The following COMMD1 variants were observed in gnomAD, a reference collection of about 807,000 sequenced individuals.
COMMD1 encodes copper metabolism domain containing 1.
COMMD1 carries 10 observed loss-of-function variants against 17.2 expected under a neutral mutation model. That is an observed-to-expected ratio of 0.58 (90% CI 0.36 to 0.99). The LOEUF (loss-of-function observed/expected upper bound fraction) is 0.99, where lower values mean the gene tolerates loss of function less well. Among genes scored for constraint, COMMD1 ranks in the 50% least tolerant of loss-of-function variants. The pLI, the probability that COMMD1 is intolerant of heterozygous loss-of-function variation, is 0.01. For synonymous variants in COMMD1, 97 were observed against 91.6 expected (o/e 1.06, Z -0.34); for missense variants, 270 against 231.8 (o/e 1.17, Z -1.07).
At chr2:62,052,205 C>G (rs528233055) in intron 2 of COMMD1, among the ~76,000 whole-genome samples, 1 of 152,254 alleles carries the variant, frequency 6.6e-6, no homozygotes, top group East Asian at 1.9e-4. Flanking sequence ...AATCCCAGCA[C>G]TTTGGGAAGC....
At chr2:61,912,695 A>G (rs1295059640) in intron 1 of COMMD1, among the ~76,000 whole-genome samples, 3 of 151,212 alleles carry the variant, frequency 2.0e-5, no homozygotes, top group Non-Finnish European at 4.4e-5. Flanking sequence ...AGATCGTGCC[A>G]CTGCACTCCA....
chr2:62,040,510 A>G (rs1377905742), intron 2 of COMMD1, among the ~76,000 whole-genome samples: 1 of 152,142 alleles, frequency 6.6e-6, no homozygotes, highest in Non-Finnish European at 1.5e-5. Context: ...TGTATTTTTC[A>G]TGGTGAAATT....
intron 2 of COMMD1, among the ~76,000 whole-genome samples, chr2:62,093,397 A>G (rs1370713102): frequency 6.6e-6 from 1 of 152,038 alleles, no homozygotes; most frequent in Admixed American, 6.6e-5. Flanking sequence ...CCATGATACT[A>G]TTTTTTCAGG....
intron 1 of COMMD1, among the ~76,000 whole-genome samples, chr2:61,893,393 G>C (rs1172855866): frequency 6.6e-6 from 1 of 151,968 alleles, no homozygotes; most frequent in African/African-American, 2.4e-5. Context: ...AAATAAAAAT[G>C]AAAATGGGAA....
chr2:61,919,652 T>C (rs1670137897), intron 1 of COMMD1, among the ~76,000 whole-genome samples: 1 of 151,692 alleles, frequency 6.6e-6, no homozygotes, highest in Non-Finnish European at 1.5e-5. Context: ...TCTTTACAAA[T>C]AGATTGTGAG....
At chr2:61,983,189 A>ATTT (rs1295410552) in intron 1 of COMMD1, among the ~76,000 whole-genome samples, 3 of 132,818 alleles carry the variant, frequency 2.3e-5, no homozygotes, top group Non-Finnish European at 3.3e-5. Flanking sequence ...TTATCATGGC[A>ATTT]TTTTTTTTTT....
At chr2:62,038,228 C>T (rs1670091076) in intron 2 of COMMD1, among the ~76,000 whole-genome samples, 1 of 152,164 alleles carries the variant, frequency 6.6e-6, no homozygotes, top group African/African-American at 2.4e-5. Context: ...GCGGAGGTTG[C>T]AGTCAGCCGA....
chr2:61,984,142 A>AGTGGGAGTGGCTGGGATTACAGGCGTGT (rs1672036425), intron 1 of COMMD1, among the ~76,000 whole-genome samples: 1 of 152,098 alleles, frequency 6.6e-6, no homozygotes, highest in African/African-American at 2.4e-5. Flanking sequence ...CTCCCACCTC[A>AGTGGGAGTGGCTGGGATTACAGGCGTGT]GCCTCCTGAG....
At chr2:62,039,270 G>GTA (rs992999488) in intron 2 of COMMD1, among the ~76,000 whole-genome samples, 1 of 152,198 alleles carries the variant, frequency 6.6e-6, no homozygotes, top group African/African-American at 2.4e-5. Context: ...TTCCTAGCTT[G>GTA]TATATTCATT....
intron 1 of COMMD1, among the ~76,000 whole-genome samples, chr2:61,984,081 C>T (rs573654399): frequency 1.2e-4 from 19 of 152,226 alleles, no homozygotes; most frequent in Admixed American, 3.3e-4. Context: ...TGGAGTACAG[C>T]GGCATGATCT....
intron 2 of COMMD1, among the ~76,000 whole-genome samples, chr2:62,082,922 A>G (rs752654022): frequency 6.6e-6 from 1 of 152,132 alleles, no homozygotes; most frequent in African/African-American, 2.4e-5. Flanking sequence ...GATATCAGCT[A>G]TCCAATTCCC....
At chr2:61,912,252 A>C (rs569416659) in intron 1 of COMMD1, among the ~76,000 whole-genome samples, 1 of 152,254 alleles carries the variant, frequency 6.6e-6, no homozygotes, top group South Asian at 2.1e-4. Context: ...CACTTAGTAA[A>C]AGTTTGTAGA....
Position 62,130,714 on chromosome 2 carries a change from A to C in COMMD1, c.463-5117A>C, listed in dbSNP as rs112454656. On this transcript the variant is annotated intron_variant, in intron 2 of 2. Coordinates refer to ENST00000311832, the MANE Select transcript of COMMD1 (RefSeq NM_152516.4). ...CTATTCAAGTATTTAATATGTGATA[A>C]GTCTTTTATTTTCTAGTTTAAGCAT... is the stretch of plus-strand genomic sequence containing the variant. 2.4e-3 allele frequency among the ~76,000 whole-genome samples: 373 copies of C among 152,274 alleles called. 3 individuals are homozygous for C. Among genetic ancestry groups the C allele is most frequent in the Middle Eastern group, 3.4e-3 (1 of 294 alleles).
At chr2:62,051,920 C>G (rs1363474916) in intron 2 of COMMD1, among the ~76,000 whole-genome samples, 1 of 152,180 alleles carries the variant, frequency 6.6e-6, no homozygotes, top group Non-Finnish European at 1.5e-5. Flanking sequence ...TGAGTTCACT[C>G]TTTATACAAA....
chr2:62,016,383 T>TA (rs1669449957), intron 2 of COMMD1, among the ~76,000 whole-genome samples: 1 of 151,504 alleles, frequency 6.6e-6, no homozygotes, highest in African/African-American at 2.4e-5. Flanking sequence ...TAATTTTTTA[T>TA]ATTTTTTGTA....
At chr2:62,106,673 G>C (rs1324179078) in intron 2 of COMMD1, among the ~76,000 whole-genome samples, 2 of 152,202 alleles carry the variant, frequency 1.3e-5, no homozygotes, top group Non-Finnish European at 2.9e-5. Flanking sequence ...TATAGACGTA[G>C]GGAAGCTGCC....
chr2:61,888,501 C>T (rs1398695392), upstream of COMMD1: 2 of 1,611,640 alleles, frequency 1.2e-6, no homozygotes, highest in Non-Finnish European at 1.7e-6. Context: ...GCCACATTCT[C>T]GGGCATGGCA....
intron 2 of COMMD1, among the ~76,000 whole-genome samples, chr2:62,066,888 G>A (rs1207170746): frequency 1.3e-5 from 2 of 150,912 alleles, no homozygotes; most frequent in South Asian, 4.2e-4. Context: ...ACCATGCCTG[G>A]CTAAGTTTTG....
intron 1 of COMMD1, among the ~76,000 whole-genome samples, chr2:61,963,388 A>C (rs1671419369): frequency 3.3e-5 from 5 of 151,586 alleles, no homozygotes; most frequent in Non-Finnish European, 7.4e-5. Context: ...ATGGAGTCTC[A>C]CTCTGTTGTC....
Sources: allele counts gnomAD v4.1 joint callset (sites outside exome capture counted in the v4.1 genomes callset), GRCh38; gene constraint gnomAD v4.1.1; transcripts MANE v1.5; gene names NCBI Gene and HGNC (gene_info 2026-07-23, HGNC 2026-07-21).